The following PCDHA1 variants were observed in gnomAD, a reference collection of about 807,000 sequenced individuals.
PCDHA1 encodes the protein protocadherin alpha-1.
A neutral mutation model predicts 61.3 loss-of-function variants in PCDHA1; 42 were observed. The ratio of observed to expected loss-of-function variants is 0.69; its 90% CI spans 0.54 to 0.89. The LOEUF is 0.89. PCDHA1 is among the 40% of genes least tolerant of loss of function. The pLI, the probability that PCDHA1 is intolerant of heterozygous loss-of-function variation, is 0.00. For synonymous variants in PCDHA1, 610 were observed against 553.8 expected, an observed-to-expected ratio of 1.10 and a Z score of -1.43; for missense variants, 1,256 against 1,235.3, an observed-to-expected ratio of 1.02 and a Z score of -0.25.
At chr5:140,827,996 G>A in intron 1 of PCDHA1, 2 of 1,481,206 alleles carry the variant, frequency 1.4e-6, no homozygotes, top group Non-Finnish European at 1.8e-6. Context: ...AATGATGGCG[G>A]ACGCAGAAGA....
intron 1 of PCDHA1, among the ~76,000 whole-genome samples, chr5:140,961,220 G>T (rs2095597952): frequency 6.6e-6 from 1 of 152,032 alleles, no homozygotes; most frequent in Non-Finnish European, 1.5e-5. Flanking sequence ...GAAGAAACTG[G>T]GTCCCAAAAA....
chr5:140,857,735 G>C (rs782288464), intron 1 of PCDHA1: 8 of 1,597,222 alleles, frequency 5.0e-6, no homozygotes, highest in South Asian at 1.1e-5. Flanking sequence ...CAACGCTCCC[G>C]CGCTGCTGGC....
At chr5:140,875,941 G>A in intron 1 of PCDHA1, 3 of 1,614,160 alleles carry the variant, frequency 1.9e-6, no homozygotes, top group East Asian at 4.5e-5. Context: ...TCTAGAGGGC[G>A]CTTCTGATGC....
chr5:140,857,554 G>T lies in PCDHA1; in HGVS notation c.2394+68870G>T, dbSNP rs782355772. On this transcript the variant is annotated intron_variant, in intron 1 of 3. Coordinates refer to ENST00000504120, the MANE Select transcript of PCDHA1 (RefSeq NM_018900.4). ...TGGAGCGGCGGTTGGGCGAGCGCTC[G>T]CTGTCGAGCTACGTGTCGGTGCACG... 1.1e-5 allele frequency: 18 copies of T among 1,596,768 alleles called. 1 individual carries two copies. Among genetic ancestry groups the T allele is most frequent in the East Asian group, 6.7e-5 (3 of 44,826 alleles).
At chr5:140,918,226 T>C (rs528915665) in intron 1 of PCDHA1, among the ~76,000 whole-genome samples, 1 of 152,342 alleles carries the variant, frequency 6.6e-6, no homozygotes, top group African/African-American at 2.4e-5. Context: ...ATGCTGATTT[T>C]TGTACATTGA....
At chr5:140,875,580 C>G (rs1381718234) in intron 1 of PCDHA1, 7 of 1,613,958 alleles carry the variant, frequency 4.3e-6, no homozygotes, top group Admixed American at 1.7e-5. Context: ...ACTCCGTCTA[C>G]GAGGAGGCCA....
chr5:140,863,793 G>A (rs2048183012), intron 1 of PCDHA1: 1 of 216,012 alleles, frequency 4.6e-6, no homozygotes, highest in East Asian at 1.1e-4. Flanking sequence ...GAGGCCAGGA[G>A]TTTGAGACCA....
chr5:140,943,751 TAGG>T (rs1284418706), intron 1 of PCDHA1, among the ~76,000 whole-genome samples: 1 of 152,048 alleles, frequency 6.6e-6, no homozygotes, highest in Non-Finnish European at 1.5e-5. Flanking sequence ...CTAAAAGCAG[TAGG>T]AGATGTAGGA....
At chr5:140,877,155 C>T in intron 1 of PCDHA1, 2 of 1,613,798 alleles carry the variant, frequency 1.2e-6, no homozygotes, top group Non-Finnish European at 1.7e-6. Context: ...AGAACGACAA[C>T]GCGCCGGCAC....
chr5:140,967,503 G>A (rs369053625), intron 1 of PCDHA1: 14 of 1,612,820 alleles, frequency 8.7e-6, no homozygotes, highest in African/African-American at 2.7e-5. Flanking sequence ...ATCTCTGTGC[G>A]TGTCCTGGAC....
intron 1 of PCDHA1, chr5:140,866,744 A>G (rs980107592): frequency 1.3e-5 from 2 of 152,180 alleles, no homozygotes; most frequent in African/African-American, 2.4e-5. Flanking sequence ...TAATACTTAT[A>G]TGACTAACAG....
intron 1 of PCDHA1, chr5:140,884,763 CT>C (rs1206964755): frequency 1.9e-5 from 27 of 1,421,678 alleles, no homozygotes; most frequent in Non-Finnish European, 2.4e-5. Context: ...TTATTCTTTA[CT>C]TTAATTTTAA....
At chr5:140,830,746 G>T in intron 1 of PCDHA1, 1 of 191,342 alleles carries the variant, frequency 5.2e-6, no homozygotes, top group Non-Finnish European at 1.1e-5. Context: ...GTCGTTTTCT[G>T]TTGCATTTTA....
At chr5:140,870,660 G>A (rs782219391) in intron 1 of PCDHA1, 3 of 1,612,516 alleles carry the variant, frequency 1.9e-6, no homozygotes, top group Non-Finnish European at 2.5e-6. Context: ...TGTACGCGCT[G>A]CAGCCGTTGG....
At chr5:140,793,117 A>G (rs1331653852) in intron 1 of PCDHA1, among the ~76,000 whole-genome samples, 3 of 152,242 alleles carry the variant, frequency 2.0e-5, no homozygotes, top group Non-Finnish European at 4.4e-5. Flanking sequence ...GACTATTAGA[A>G]AAGAGCACTT....
rs2150234771 is a variant in PCDHA1, at chr5:140,835,383, T to C, written c.2394+46699T>C. ...AGGCTTCCCACCCCTGGCTGGTCAT[T>C]GTACAGTTCTTGTGGAAGTTGTGGA... On this transcript the variant is annotated intron_variant, in intron 1 of 3. Coordinates refer to ENST00000504120, the MANE Select transcript of PCDHA1 (RefSeq NM_018900.4). The C allele has an allele frequency of 7.4e-6, 12 of 1,613,968 alleles. No individual in the cohort carries two copies. In the South Asian group the frequency reaches 1.3e-4, roughly 18 times the overall value.
At chr5:140,853,680 C>CTATCCTTAGACCTGCTAACGCATTAGCAT in intron 1 of PCDHA1, 1 of 988,078 alleles carries the variant, frequency 1.0e-6, no homozygotes, top group South Asian at 4.7e-5. Context: ...TATGGTCAAC[C>CTATCCTTAGACCTGCTAACGCATTAGCAT]TATCCTTAGA....
intron 1 of PCDHA1, chr5:140,830,467 TGAA>T (rs2150186899): frequency 3.2e-6 from 5 of 1,572,686 alleles, no homozygotes; most frequent in Non-Finnish European, 4.3e-6. Flanking sequence ...AGGATTTAAA[TGAA>T]GATCATGATG....
In PCDHA1 at chr5:140,966,787, A is replaced by C. The variant is rs781920865; in HGVS notation, c.2395-12162A>C. 5.9e-5 allele frequency: 90 copies of C among 1,526,700 alleles called. No homozygotes were observed. Among genetic ancestry groups the C allele is most frequent in the Non-Finnish European group, 7.7e-5 (88 of 1,139,948 alleles). The allele number at this position is 1,526,700 out of a possible 1,614,324, so 94.6% of individuals were successfully genotyped here. On this transcript the variant is annotated intron_variant, in intron 1 of 3. Coordinates refer to ENST00000504120, the MANE Select transcript of PCDHA1 (RefSeq NM_018900.4). ...TGGCTATGGAGCAGGCGGGCACCAG[A>C]CCTGCGGCGACAGAGCATCCACGGC...
Sources: allele counts gnomAD v4.1 joint callset (sites outside exome capture counted in the v4.1 genomes callset), GRCh38; gene constraint gnomAD v4.1.1; transcripts MANE v1.5; gene names NCBI Gene and HGNC (gene_info 2026-07-23, HGNC 2026-07-21).